The following RALGAPA2 variants were observed in gnomAD, a reference collection of about 807,000 sequenced individuals.
RALGAPA2 encodes the protein Ral GTPase activating protein catalytic subunit alpha 2.
A neutral mutation model predicts 230.4 loss-of-function variants in RALGAPA2; 139 were observed. The ratio of observed to expected loss-of-function variants is 0.60; its 90% CI spans 0.53 to 0.69. The LOEUF (loss-of-function observed/expected upper bound fraction) is 0.69, where lower values mean the gene tolerates loss of function less well. Ranked by LOEUF, RALGAPA2 falls within the 30% of genes least tolerant of loss-of-function variation. The pLI is 0.00. For missense variants in RALGAPA2, 2,163 were observed against 2,276.0 expected, an observed-to-expected ratio of 0.95 and a Z score of 1.01; for synonymous variants, 847 against 837.8, an observed-to-expected ratio of 1.01 and a Z score of -0.19.
Position 20,552,384 on chromosome 20 carries a change from A to G in RALGAPA2, c.3157-5552T>C, listed in dbSNP as rs75734122. ...AAATAAAATCTGCATATGAAAAATC[A>G]CTCAATTCCTCATTTAACTTTTTAC... On this transcript the variant is annotated intron_variant, in intron 23 of 39. Transcript: ENST00000202677. 4.9e-3 allele frequency among the ~76,000 whole-genome samples: 753 copies of G among 152,266 alleles called. 5 individuals carry two copies. The highest frequency in any genetic ancestry group is 0.017 in the African/African-American group (724 of 41,560).
chr20:20,491,661 T>G (rs555050613), intron 36 of RALGAPA2, among the ~76,000 whole-genome samples: 1 of 152,204 alleles, frequency 6.6e-6, no homozygotes, highest in East Asian at 1.9e-4. Context: ...CTGCTCTATA[T>G]GCAAGTCTTT....
At chr20:20,477,285 C>G (rs770631746) in intron 36 of RALGAPA2, among the ~76,000 whole-genome samples, 6 of 152,126 alleles carry the variant, frequency 3.9e-5, no homozygotes, top group Admixed American at 2.0e-4. Context: ...CTAACAAACT[C>G]ATCATAATGG....
intron 3 of RALGAPA2, among the ~76,000 whole-genome samples, chr20:20,667,494 C>T (rs896424744): frequency 1.3e-5 from 2 of 152,144 alleles, no homozygotes; most frequent in Admixed American, 1.3e-4. Context: ...TACATATAGG[C>T]GTGTAATAAA....
intron 31 of RALGAPA2, among the ~76,000 whole-genome samples, chr20:20,513,637 C>A (rs2062784045): frequency 2.0e-5 from 3 of 152,198 alleles, no homozygotes; most frequent in African/African-American, 7.2e-5. Flanking sequence ...CACTGGGGAT[C>A]CAAGCAACCC....
At chr20:20,664,620 T>C (rs2067895576) in intron 3 of RALGAPA2, among the ~76,000 whole-genome samples, 1 of 152,208 alleles carries the variant, frequency 6.6e-6, no homozygotes, top group African/African-American at 2.4e-5. Flanking sequence ...ATTTTCTGCC[T>C]GAAAACTACT....
chr20:20,399,642 A>G (rs1029564855), intron 38 of RALGAPA2, among the ~76,000 whole-genome samples: 1 of 152,248 alleles, frequency 6.6e-6, no homozygotes. Context: ...TACTCTGGAT[A>G]TCAACAGGGA....
intron 33 of RALGAPA2, among the ~76,000 whole-genome samples, chr20:20,505,856 A>G (rs1569451122): frequency 6.6e-6 from 1 of 152,232 alleles, no homozygotes; most frequent in Non-Finnish European, 1.5e-5. Context: ...ACCCTCAGAC[A>G]TAAGATACAC....
chr20:20,633,980 T>G (rs2066772006), intron 9 of RALGAPA2, among the ~76,000 whole-genome samples: 1 of 152,222 alleles, frequency 6.6e-6, no homozygotes, highest in Non-Finnish European at 1.5e-5. Context: ...GATTGCAGAT[T>G]TGATTAGATG....
At chr20:20,502,059 A>G (rs141453181) in intron 35 of RALGAPA2, among the ~76,000 whole-genome samples, 2 of 152,352 alleles carry the variant, frequency 1.3e-5, no homozygotes, top group African/African-American at 4.8e-5. Context: ...GATAATAATA[A>G]TAGAAATATT....
chr20:20,431,193 T>G (rs1382548947), intron 37 of RALGAPA2, among the ~76,000 whole-genome samples: 1 of 152,126 alleles, frequency 6.6e-6, no homozygotes, highest in African/African-American at 2.4e-5. Context: ...CAAGAAGCCA[T>G]GCCCAGAGAA....
chr20:20,506,082 C>CT (rs1445871248), intron 33 of RALGAPA2, among the ~76,000 whole-genome samples: 4 of 152,082 alleles, frequency 2.6e-5, no homozygotes, highest in African/African-American at 9.7e-5. Context: ...AGCGAACACA[C>CT]TTAGGTATTT....
intron 31 of RALGAPA2, among the ~76,000 whole-genome samples, chr20:20,518,829 A>C (rs1313473900): frequency 6.6e-6 from 1 of 152,216 alleles, no homozygotes; most frequent in Non-Finnish European, 1.5e-5. Context: ...GATGAGTATA[A>C]ATTGATGACT....
At chr20:20,446,898 C>T (rs2060877273) in intron 37 of RALGAPA2, among the ~76,000 whole-genome samples, 1 of 152,198 alleles carries the variant, frequency 6.6e-6, no homozygotes, top group Non-Finnish European at 1.5e-5. Context: ...CCAAATTCCA[C>T]TCTGGAACTC....
At chr20:20,601,405 G>T (rs966801084) in intron 16 of RALGAPA2, among the ~76,000 whole-genome samples, 11 of 152,106 alleles carry the variant, frequency 7.2e-5, no homozygotes, top group African/African-American at 2.7e-4. Flanking sequence ...TTTCTTCAAG[G>T]TTCAAACAAA....
At chr20:20,637,021 G>A (rs909741701) in intron 8 of RALGAPA2, among the ~76,000 whole-genome samples, 2 of 152,118 alleles carry the variant, frequency 1.3e-5, no homozygotes, top group East Asian at 1.9e-4. Flanking sequence ...GCCTGAGGTC[G>A]CCATACCCCA....
intron 23 of RALGAPA2, among the ~76,000 whole-genome samples, chr20:20,561,729 A>G (rs567166215): frequency 7.9e-4 from 121 of 152,254 alleles, no homozygotes; most frequent in African/African-American, 2.9e-3. Flanking sequence ...ACTGTCTTTG[A>G]TTACTGAGTT....
chr20:20,390,900 T>A lies in RALGAPA2; in HGVS notation c.*2389A>T, dbSNP rs1481829093. On this transcript the variant is annotated 3_prime_UTR_variant, in exon 40 of 40. Transcript: ENST00000202677. ...GTCATCGGGGGTCATGGGGTCGTTA[T>A]AATCCTCAGGGGTTACAGGAGGGTT... 1 of 152,198 alleles carries A rather than the reference T, an allele frequency of 6.6e-6. No individual in the cohort carries two copies. Among genetic ancestry groups the A allele is most frequent in the Non-Finnish European group, 1.5e-5 (1 of 68,034 alleles). 9.4% of individuals were successfully genotyped at this position (152,198 alleles called of 1,614,324 possible).
At position 20,519,588 on chromosome 20, in the gene RALGAPA2, T is replaced by C. The variant is rs75226532; in HGVS notation, c.4084+1329A>G. 8.5e-3 allele frequency among the ~76,000 whole-genome samples: 1,288 copies of C among 152,328 alleles called. 21 individuals carry two copies. The highest frequency in any genetic ancestry group is 0.029 in the African/African-American group (1,212 of 41,570). On this transcript the variant is annotated intron_variant, in intron 31 of 39. Transcript: ENST00000202677. ...TACCACCAAACACCTAGTTGGGAAA[T>C]ATAACAGCTCCTGTTTCATTCTCAC...
intron 2 of RALGAPA2, among the ~76,000 whole-genome samples, chr20:20,680,014 C>G (rs1454326713): frequency 3.3e-5 from 5 of 152,170 alleles, no homozygotes; most frequent in African/African-American, 1.2e-4. Context: ...GACTATGTGT[C>G]AAACTCTGTC....
Sources: gnomAD v4.1 joint callset for allele counts (sites outside exome capture counted in the v4.1 genomes callset) on GRCh38, gnomAD v4.1.1 for gene constraint, MANE v1.5 for transcripts, NCBI Gene and HGNC (gene_info 2026-07-23, HGNC 2026-07-21) for gene names.